The following RAD51B variants were observed in gnomAD, a reference collection of about 807,000 sequenced individuals.
The protein encoded by RAD51B is DNA repair protein RAD51 homolog 2.
A neutral mutation model predicts 42.2 loss-of-function variants in RAD51B; 38 were observed. That is an observed-to-expected ratio of 0.90 (90% CI 0.70 to 1.18). The LOEUF is 1.18. RAD51B is among the 50% of genes most tolerant of loss of function. RAD51B has a pLI of 0.00. For synonymous variants in RAD51B, 154 were observed against 145.2 expected, an observed-to-expected ratio of 1.06 and a Z score of -0.43; for missense variants, 373 against 400.7, an observed-to-expected ratio of 0.93 and a Z score of 0.59.
chr14:68,143,024 G>A (rs1045617903), intron 7 of RAD51B, among the ~76,000 whole-genome samples: 1 of 151,664 alleles, frequency 6.6e-6, no homozygotes, highest in African/African-American at 2.4e-5. Flanking sequence ...AGGGGGTGGG[G>A]GGGGAGTTAT....
At chr14:68,272,226 T>A (rs1039206936) in intron 7 of RAD51B, among the ~76,000 whole-genome samples, 1 of 152,210 alleles carries the variant, frequency 6.6e-6, no homozygotes, top group Admixed American at 6.5e-5. Context: ...GATTATAATG[T>A]CTCAAGGGTT....
intron 7 of RAD51B, among the ~76,000 whole-genome samples, chr14:68,258,102 G>A (rs947535568): frequency 1.2e-4 from 18 of 152,072 alleles, no homozygotes; most frequent in African/African-American, 4.1e-4. Context: ...ACATAAGTGA[G>A]CTGTGTGAGT....
intron 7 of RAD51B, among the ~76,000 whole-genome samples, chr14:67,995,330 T>A (rs1459491886): frequency 2.0e-5 from 3 of 151,918 alleles, no homozygotes; most frequent in Non-Finnish European, 4.4e-5. Flanking sequence ...GAGGTTGCAG[T>A]GAGCCGAGAT....
Position 67,865,000 on chromosome 14 carries a change from T to TTTTTTAAAA in RAD51B, c.316-3_316-2insTTTTTAAAA. 1 of 1,180,706 alleles carries TTTTTTAAAA rather than the reference T, an allele frequency of 8.5e-7. No individual in the cohort carries two copies. The allele number at this position is 1,180,706 out of a possible 1,614,324, so 73.1% of individuals were successfully genotyped here. A position where few individuals can be genotyped will look rare whatever the true frequency, so the allele number is the denominator to read the frequency against. On this transcript the variant is annotated splice_region_variant and splice_polypyrimidine_tract_variant and intron_variant, in intron 4 of 10. Coordinates refer to ENST00000471583, the MANE Select transcript of RAD51B (RefSeq NM_133510.4). Reference sequence around the variant, plus strand: ...TTTTTTTTTTTTTTTTTTTTTTTTTTAGATTACAGGTCCACCAGGTTGTGG... The same window carrying TTTTTTAAAA: ...TTTTTTTTTTTTTTTTTTTTTTTTTTTTTTTAAAAAGATTACAGGTCCACCAGGTTGTGG...
intron 7 of RAD51B, among the ~76,000 whole-genome samples, chr14:68,023,644 T>C (rs2075904889): frequency 1.3e-5 from 2 of 152,188 alleles, no homozygotes; most frequent in Admixed American, 6.5e-5. Flanking sequence ...TGGTATGTCT[T>C]CTTTTGAGAA....
intron 8 of RAD51B, among the ~76,000 whole-genome samples, chr14:68,374,608 G>A (rs1041831418): frequency 2.8e-4 from 43 of 151,950 alleles, no homozygotes; most frequent in African/African-American, 1.0e-3. Flanking sequence ...CTGTGGTCCT[G>A]GTGGGGTTAT....
intron 8 of RAD51B, chr14:68,387,155 G>A (rs1212624415): frequency 6.6e-6 from 1 of 152,194 alleles, no homozygotes; most frequent in African/African-American, 2.4e-5. Flanking sequence ...ATGTGTGTTG[G>A]CAGAAAGACA....
intron 7 of RAD51B, among the ~76,000 whole-genome samples, chr14:68,194,045 A>G (rs988765536): frequency 5.3e-5 from 8 of 152,240 alleles, no homozygotes; most frequent in Non-Finnish European, 8.8e-5. Context: ...CAGTTATTGG[A>G]TTTGTTTTAA....
At chr14:68,272,829 T>G (rs2081146418) in intron 7 of RAD51B, among the ~76,000 whole-genome samples, 1 of 149,054 alleles carries the variant, frequency 6.7e-6, no homozygotes, top group Non-Finnish European at 1.5e-5. Flanking sequence ...GGACTACAGG[T>G]GCCCACCACC....
intron 7 of RAD51B, among the ~76,000 whole-genome samples, chr14:67,980,450 C>CA (rs1235586832): frequency 2.0e-5 from 3 of 151,426 alleles, no homozygotes; most frequent in South Asian, 2.1e-4. Context: ...TCTTAAAAAA[C>CA]AAAAAAAAGT....
At chr14:68,476,523 G>T (rs1355576296) in intron 10 of RAD51B, among the ~76,000 whole-genome samples, 1 of 152,106 alleles carries the variant, frequency 6.6e-6, no homozygotes, top group African/African-American at 2.4e-5. Flanking sequence ...TAATTTTTTT[G>T]TCAATTAAAA....
chr14:68,646,983 A>G (rs1892575828), intron 10 of RAD51B, among the ~76,000 whole-genome samples: 2 of 152,220 alleles, frequency 1.3e-5, no homozygotes, highest in Admixed American at 1.3e-4. Context: ...TGTATTCAAC[A>G]AATATTTATT....
intron 7 of RAD51B, among the ~76,000 whole-genome samples, chr14:68,158,349 A>G (rs1376228255): frequency 3.9e-5 from 6 of 152,204 alleles, no homozygotes; most frequent in African/African-American, 1.4e-4. Flanking sequence ...ACACTGAAGT[A>G]ATTTTTGCAT....
At chr14:67,860,804 A>G (rs745541981) in intron 4 of RAD51B, among the ~76,000 whole-genome samples, 4 of 152,240 alleles carry the variant, frequency 2.6e-5, no homozygotes. Flanking sequence ...TTTCTGTTGC[A>G]TCATCCTTAG....
At chr14:68,437,566 A>T (rs1252905203) in intron 9 of RAD51B, among the ~76,000 whole-genome samples, 1 of 152,140 alleles carries the variant, frequency 6.6e-6, no homozygotes, top group Admixed American at 6.5e-5. Context: ...AGTGTTCTTT[A>T]TGTTGAACAC....
At chr14:68,393,482 T>G (rs1594772887) in intron 8 of RAD51B, among the ~76,000 whole-genome samples, 1 of 152,350 alleles carries the variant, frequency 6.6e-6, no homozygotes, top group Non-Finnish European at 1.5e-5. Context: ...GTAATTTCGC[T>G]TAGGAGCTAT....
Position 68,592,281 on chromosome 14 carries a change from GTGTGTA to G in RAD51B, c.1037-2198_1037-2193del, listed in dbSNP as rs376705728. Among the ~76,000 whole-genome samples, 793 of 150,406 alleles carry G rather than the reference GTGTGTA, an allele frequency of 5.3e-3. 7 individuals are homozygous for G. Among genetic ancestry groups the G allele is most frequent in the African/African-American group, 0.019 (752 of 40,000 alleles). ...TGTGTGTGTGTGTGTGTGTGTGTGTGTGTGTATGTGTGTGTATCAAAGAGAGGAGTC... is the reference window on the plus strand; with the variant it reads ...TGTGTGTGTGTGTGTGTGTGTGTGTGTGTGTGTGTATCAAAGAGAGGAGTC... On this transcript the variant is annotated intron_variant, in intron 10 of 10. Transcript: ENST00000487270.
intron 10 of RAD51B, chr14:68,540,162 G>A: frequency 2.3e-6 from 2 of 874,202 alleles, no homozygotes; most frequent in Non-Finnish European, 2.7e-6. Flanking sequence ...ATCCTACCCT[G>A]CTCCTTTTTT....
chr14:68,631,741 G>A (rs1208225609), intron 10 of RAD51B, among the ~76,000 whole-genome samples: 2 of 152,172 alleles, frequency 1.3e-5, no homozygotes, highest in Non-Finnish European at 2.9e-5. Flanking sequence ...GGGAGTGTCT[G>A]TCCTACCTCC....
Sources: gnomAD v4.1 joint callset for allele counts (sites outside exome capture counted in the v4.1 genomes callset) on GRCh38, gnomAD v4.1.1 for gene constraint, MANE v1.5 for transcripts, NCBI Gene and HGNC (gene_info 2026-07-23, HGNC 2026-07-21) for gene names.